PDZD9: variants seen among roughly 807,000 people sequenced by gnomAD.
The protein encoded by PDZD9 is PDZ domain containing 9.
In PDZD9, 13 loss-of-function variants were observed where a neutral mutation model predicts 16.3. The ratio of observed to expected loss-of-function variants is 0.80; its 90% CI spans 0.52 to 1.27. PDZD9 has a LOEUF of 1.27. PDZD9 is among the 50% of genes most tolerant of loss of function. The pLI is 0.00. For missense variants in PDZD9, 288 were observed against 310.9 expected (o/e 0.93, Z 0.55); for synonymous variants, 120 against 111.0 (o/e 1.08, Z -0.51).
chr16:21,957,589 G>A, the PDZD9 span: 25 of 1,610,640 alleles, frequency 1.6e-5, no homozygotes, highest in Non-Finnish European at 2.1e-5. Context: ...ACTTCCTCAA[G>A]TGTTTGGAAA....
At chr16:21,970,578 A>G in the PDZD9 span, among the ~76,000 whole-genome samples, 1 of 152,014 alleles carries the variant, frequency 6.6e-6, no homozygotes, top group Non-Finnish European at 1.5e-5. Context: ...CCATTTGTAT[A>G]ACTTTTTTTG....
the PDZD9 span, chr16:21,971,836 A>G: frequency 1.3e-5 from 20 of 1,571,326 alleles, no homozygotes; most frequent in Non-Finnish European, 1.7e-5. Flanking sequence ...CTCGTGGGTT[A>G]ATACTGTGTT....
chr16:21,997,343 T>G (rs1473813199), intron 1 of PDZD9, among the ~76,000 whole-genome samples: 1 of 151,992 alleles, frequency 6.6e-6, no homozygotes, highest in Non-Finnish European at 1.5e-5. Context: ...AAAGGACCAA[T>G]AGGAAATATT....
In PDZD9 at chr16:21,984,536, C is replaced by G; in HGVS notation, c.526G>C (p.Ala176Pro). 1.9e-6 allele frequency: 3 copies of G among 1,605,774 alleles called. No individual in the cohort carries two copies. The highest frequency in any genetic ancestry group is 2.6e-6 in the Non-Finnish European group (3 of 1,173,026). The change falls in exon 4 of 4, where the codon GCA becomes CCA. Residue 176 changes from alanine (A) to proline (P), a missense_variant. Transcript: ENST00000424898. Reference sequence around the variant, plus strand: ...CTGGAGATGGATATTGGTCTCCTTGCAGGGTGATGCACAGTTGACCACGGA... The same window carrying G: ...CTGGAGATGGATATTGGTCTCCTTGGAGGGTGATGCACAGTTGACCACGGA... ...RYPWSTVHHP[A>P]RRPISISRDW...
the PDZD9 span, among the ~76,000 whole-genome samples, chr16:21,973,136 A>G: frequency 6.6e-6 from 1 of 152,134 alleles, no homozygotes; most frequent in Non-Finnish European, 1.5e-5. Context: ...AAGAAATTGA[A>G]GTGCCTTCTT....
chr16:21,993,527 C>T (rs2141960457), intron 2 of PDZD9, among the ~76,000 whole-genome samples: 1 of 152,316 alleles, frequency 6.6e-6, no homozygotes, highest in South Asian at 2.1e-4. Flanking sequence ...CATTATGTAT[C>T]TGCTTTCTTC....
downstream of PDZD9, chr16:21,983,107 C>G: frequency 6.2e-7 from 1 of 1,613,420 alleles, no homozygotes; most frequent in Non-Finnish European, 8.5e-7. Context: ...AAGTTTGTTT[C>G]TGGCCAGAAG....
chr16:21,965,634 C>T, the PDZD9 span: 5 of 699,582 alleles, frequency 7.1e-6, no homozygotes, highest in Non-Finnish European at 8.5e-6. Flanking sequence ...CTAGCTTTTT[C>T]ATCCACCTGC....
chr16:21,977,854 C>T, the PDZD9 span, among the ~76,000 whole-genome samples: 1 of 152,118 alleles, frequency 6.6e-6, no homozygotes, highest in Non-Finnish European at 1.5e-5. Context: ...TTATGCTGAG[C>T]ACACTACAAA....
intron 3 of PDZD9, 38 bp downstream of exon 3, chr16:21,988,563 CT>C: frequency 6.6e-7 from 1 of 1,514,004 alleles, no homozygotes; most frequent in Non-Finnish European, 9.1e-7. Flanking sequence ...CCCTGGGATT[CT>C]GTATTATAAC....
At chr16:21,994,700 T>C (rs1241160592) in intron 2 of PDZD9, among the ~76,000 whole-genome samples, 1 of 152,148 alleles carries the variant, frequency 6.6e-6, no homozygotes, top group Non-Finnish European at 1.5e-5. Context: ...TAATACTGCC[T>C]ACGAAAGAAA....
chr16:21,958,690 TTTC>T, the PDZD9 span: 2 of 1,106,758 alleles, frequency 1.8e-6, no homozygotes, highest in South Asian at 2.8e-5. Context: ...AGGTTGAGGA[TTTC>T]TTAAGCAACA....
the PDZD9 span, among the ~76,000 whole-genome samples, chr16:21,967,065 T>C: frequency 6.6e-6 from 1 of 152,202 alleles, no homozygotes; most frequent in Non-Finnish European, 1.5e-5. Flanking sequence ...ATCAAGATGT[T>C]AACTGTGATA....
At chr16:21,965,623 G>A in the PDZD9 span, 1 of 836,676 alleles carries the variant, frequency 1.2e-6, no homozygotes, top group Non-Finnish European at 1.7e-6. Context: ...AATTCAGCGT[G>A]CTAGCTTTTT....
At chr16:21,983,034 G>T, downstream of PDZD9, 1 of 1,495,642 alleles carries the variant, frequency 6.7e-7, no homozygotes, top group Non-Finnish European at 9.2e-7. Flanking sequence ...TCGCCTGCTT[G>T]ATGATATATA....
At chr16:21,979,307 A>T (rs938739644), downstream of PDZD9, among the ~76,000 whole-genome samples, 1 of 152,140 alleles carries the variant, frequency 6.6e-6, no homozygotes, top group African/African-American at 2.4e-5. Flanking sequence ...ATAATTTTTC[A>T]ACTTGACTAT....
At chr16:21,993,349 T>C (rs2141960318) in intron 2 of PDZD9, among the ~76,000 whole-genome samples, 1 of 152,310 alleles carries the variant, frequency 6.6e-6, no homozygotes, top group African/African-American at 2.4e-5. Context: ...TCACCTGACC[T>C]TGAAGAAGCT....
At chr16:21,958,726 T>C in the PDZD9 span, 7 of 776,576 alleles carry the variant, frequency 9.0e-6, no homozygotes, top group Non-Finnish European at 1.3e-5. Context: ...GACTGATGAA[T>C]TTGAGTATAT....
chr16:21,963,906 TTAATTTTTTTAA>T, the PDZD9 span, among the ~76,000 whole-genome samples: 1 of 152,232 alleles, frequency 6.6e-6, no homozygotes, highest in Non-Finnish European at 1.5e-5. Context: ...AGTAAGTAAC[TTAATTTTTTTAA>T]TAGGAATCTT....
Sources: allele counts gnomAD v4.1 joint callset (sites outside exome capture counted in the v4.1 genomes callset), GRCh38; gene constraint gnomAD v4.1.1; transcripts MANE v1.5; gene names NCBI Gene and HGNC (gene_info 2026-07-23, HGNC 2026-07-21).